Variants in RPRD2 observed in about 807,000 individuals in gnomAD.
RPRD2 encodes regulation of nuclear pre-mRNA domain containing 2.
A neutral mutation model predicts 104.4 loss-of-function variants in RPRD2; 12 were observed. The observed-to-expected ratio is 0.11, with a 90% CI of 0.07 to 0.19. RPRD2 has a LOEUF of 0.19. RPRD2 is among the 10% of genes least tolerant of loss of function. RPRD2 has a pLI of 1.00. For missense variants in RPRD2, 1,543 were observed against 1,790.1 expected (o/e 0.86, Z 2.49); for synonymous variants, 714 against 684.9 (o/e 1.04, Z -0.66).
chr1:150,388,709 C>A (rs1033908726), intron 1 of RPRD2, among the ~76,000 whole-genome samples: 3 of 150,762 alleles, frequency 2.0e-5, no homozygotes, highest in South Asian at 2.1e-4. Flanking sequence ...TGGGTTCAAG[C>A]GATTCTTGTG....
chr1:150,433,584 A>G (rs1344651186), intron 2 of RPRD2, among the ~76,000 whole-genome samples: 1 of 147,872 alleles, frequency 6.8e-6, no homozygotes, highest in Non-Finnish European at 1.5e-5. Flanking sequence ...AGCTGGGACT[A>G]CAGGCGCCCG....
At chr1:150,451,215 A>G (rs1052602256) in intron 7 of RPRD2, among the ~76,000 whole-genome samples, 80 of 152,316 alleles carry the variant, frequency 5.3e-4, no homozygotes, top group African/African-American at 1.7e-3. Flanking sequence ...TTTAGAAGGA[A>G]TATCACAGAA....
intron 1 of RPRD2, among the ~76,000 whole-genome samples, chr1:150,407,078 AATTTCTGTATTAGT>A (rs1572411637): frequency 6.6e-6 from 1 of 152,168 alleles, no homozygotes; most frequent in Non-Finnish European, 1.5e-5. Context: ...TGATGTCTCT[AATTTCTGTATTAGT>A]ATATTCTTTG....
intron 1 of RPRD2, among the ~76,000 whole-genome samples, chr1:150,402,029 G>A (rs149074352): frequency 0.014 from 2,049 of 150,578 alleles, 50 homozygotes; most frequent in African/African-American, 0.048. Flanking sequence ...GCACAATCTC[G>A]GCTCACTGCA....
At chr1:150,453,412 A>T (rs1380511919) in intron 7 of RPRD2, among the ~76,000 whole-genome samples, 2 of 151,840 alleles carry the variant, frequency 1.3e-5, no homozygotes, top group Non-Finnish European at 2.9e-5. Context: ...TTTTCTTTTT[A>T]TCCTGCTTAG....
chr1:150,417,502 C>A, intron 1 of RPRD2, 94 bp from the exon 2 acceptor site: 3 of 1,004,134 alleles, frequency 3.0e-6, no homozygotes, highest in South Asian at 5.8e-5. Context: ...AAAAAAATAA[C>A]CAGTTACAGT....
chr1:150,412,075 A>G (rs2102257963), intron 1 of RPRD2, among the ~76,000 whole-genome samples: 1 of 152,262 alleles, frequency 6.6e-6, no homozygotes, highest in East Asian at 1.9e-4. Context: ...GTGAGCCGAA[A>G]TCACACCACC....
At position 150,364,160 on chromosome 1, in the gene RPRD2, C is replaced by G. The variant is rs1001758918; in HGVS notation, c.-555C>G. 2.0e-5 allele frequency among the ~76,000 whole-genome samples: 3 copies of G among 152,198 alleles called. No individual in the cohort carries two copies. Among genetic ancestry groups the G allele is most frequent in the African/African-American group, 4.8e-5 (2 of 41,468 alleles). On this transcript the variant is annotated 5_prime_UTR_variant, in exon 1 of 11. Coordinates refer to ENST00000369068, the MANE Select transcript of RPRD2 (RefSeq NM_015203.5). ...CGCGTGCGCGATACTGTTGCTGCCC[C>G]TTTGCTGCTATTGCGTTGCAAAAAA...
At chr1:150,411,222 G>A (rs868950261) in intron 1 of RPRD2, among the ~76,000 whole-genome samples, 1 of 152,060 alleles carries the variant, frequency 6.6e-6, no homozygotes, top group Admixed American at 6.5e-5. Flanking sequence ...CACTTTGGGA[G>A]GTCCAAGGCG....
At chr1:150,395,252 A>G (rs587703396) in intron 1 of RPRD2, among the ~76,000 whole-genome samples, 1 of 152,164 alleles carries the variant, frequency 6.6e-6, no homozygotes, top group Admixed American at 6.5e-5. Context: ...AGAACATATG[A>G]TGTTTGGTTT....
Position 150,472,840 on chromosome 1 carries a change from CCT to C in RPRD2, c.3893_3894del (p.Pro1298ArgfsTer2). On this transcript the variant is annotated frameshift_variant, in exon 11 of 11. Coordinates refer to ENST00000369068, the MANE Select transcript of RPRD2 (RefSeq NM_015203.5). LOFTEE classifies it high-confidence loss of function. ...PFSTPPPPPP[P>X]VDHSGVVPFP... ...TTCTACTCCACCCCCTCCTCCACCC[CCT>C]GTTGACCACTCTGGAGTTGTACCCT... 1 of 1,612,664 alleles carries C rather than the reference CCT, an allele frequency of 6.2e-7. No individual in the cohort carries two copies. Among genetic ancestry groups the C allele is most frequent in the Non-Finnish European group, 8.5e-7 (1 of 1,179,198 alleles).
intron 7 of RPRD2, among the ~76,000 whole-genome samples, chr1:150,454,423 A>G (rs1264792369): frequency 1.3e-5 from 2 of 152,030 alleles, no homozygotes; most frequent in Non-Finnish European, 2.9e-5. Flanking sequence ...ACTCTCCAGT[A>G]TATTCAAACA....
At chr1:150,432,159 A>G (rs782791055) in intron 2 of RPRD2, among the ~76,000 whole-genome samples, 2 of 148,938 alleles carry the variant, frequency 1.3e-5, no homozygotes, top group Admixed American at 6.8e-5. Context: ...GGGTGATGGA[A>G]CAAGACCCTA....
chr1:150,388,464 A>G (rs918021412), intron 1 of RPRD2, among the ~76,000 whole-genome samples: 2 of 146,364 alleles, frequency 1.4e-5, no homozygotes, highest in South Asian at 2.2e-4. Flanking sequence ...ATGTATATGC[A>G]TATATACACA....
chr1:150,471,575 A>G lies in RPRD2; in HGVS notation c.2627A>G (p.Tyr876Cys). The change falls in exon 11 of 11, where the codon TAT becomes TGT. Residue 876 changes from tyrosine to cysteine, a missense_variant. Physicochemically the swap from Tyr to Cys is radical, Grantham distance 194 (BLOSUM62 -2). Around this residue, in one of 4 missense-constraint regions of RPRD2, gnomAD observed 880 missense variants for 885.6 expected, o/e 0.99. Transcript: ENST00000369068. The surrounding 1 kb of genome is among the most constrained non-coding windows in gnomAD (Gnocchi z 5.3). ...TTEYQPILSS[Y>C]SHRAQEFGVK... ...GAGTACCAGCCAATTCTGTCCAGTT[A>G]TAGCCACAGAGCCCAAGAATTTGGG... The G allele has an allele frequency of 6.2e-7, 1 of 1,613,780 alleles. No individual in the cohort carries two copies. The highest frequency in any genetic ancestry group is 8.5e-7 in the Non-Finnish European group (1 of 1,179,852).
At chr1:150,384,576 G>C (rs1661412597) in intron 1 of RPRD2, among the ~76,000 whole-genome samples, 1 of 151,148 alleles carries the variant, frequency 6.6e-6, no homozygotes, top group African/African-American at 2.4e-5. Context: ...GGTTCAAGCA[G>C]TTCTCCTGCC....
chr1:150,433,901 T>TA (rs1560199031), intron 2 of RPRD2, among the ~76,000 whole-genome samples: 2 of 149,814 alleles, frequency 1.3e-5, no homozygotes, highest in African/African-American at 2.4e-5. Flanking sequence ...TATATGTACA[T>TA]ATGTATGTAT....
chr1:150,384,683 T>TGTGTGTGTGTGTG (rs1560155301), intron 1 of RPRD2, among the ~76,000 whole-genome samples: 145 of 118,024 alleles, frequency 1.2e-3, no homozygotes, highest in Admixed American at 2.1e-3. Flanking sequence ...GTGTGTGTGT[T>TGTGTGTGTGTGTG]TTTAGTAGAG....
chr1:150,447,133 C>T (rs982984941), intron 7 of RPRD2, among the ~76,000 whole-genome samples: 11 of 151,834 alleles, frequency 7.2e-5, no homozygotes, highest in Non-Finnish European at 1.2e-4. Context: ...CCGTGCCCGG[C>T]CCAATTTTTG....
Sources: gnomAD v4.1 joint callset for allele counts (sites outside exome capture counted in the v4.1 genomes callset) on GRCh38, gnomAD v4.1.1 for gene constraint, gnomAD v4.1.1 regional missense constraint, Gnocchi (gnomAD v3.1) non-coding constraint, MANE v1.5 for transcripts, NCBI Gene and HGNC (gene_info 2026-07-23, HGNC 2026-07-21) for gene names.